The following DRC2 variants were observed in gnomAD, a reference collection of about 807,000 sequenced individuals.
DRC2 encodes dynein regulatory complex subunit 2.
the DRC2 span, chr12:48,905,177 G>A: frequency 7.1e-7 from 1 of 1,400,320 alleles, no homozygotes; most frequent in Middle Eastern, 1.9e-4. Flanking sequence ...AATGAGCCTA[G>A]TGAATCCATC....
At chr12:48,917,143 G>C in the DRC2 span, 1 of 1,610,790 alleles carries the variant, frequency 6.2e-7, no homozygotes. Context: ...AGAAGTGGGA[G>C]GAGGTGATAG....
the DRC2 span, chr12:48,920,832 G>C: frequency 7.2e-5 from 81 of 1,130,986 alleles, 1 homozygote; most frequent in South Asian, 1.2e-3. Flanking sequence ...TTCCCACTTG[G>C]ATGAGTAGCT....
At chr12:48,907,836 T>C in the DRC2 span, among the ~76,000 whole-genome samples, 6 of 152,240 alleles carry the variant, frequency 3.9e-5, no homozygotes, top group Non-Finnish European at 8.8e-5. Flanking sequence ...CCAGTGAGTT[T>C]ATCTTCCTCT....
the DRC2 span, among the ~76,000 whole-genome samples, chr12:48,920,137 A>AG: frequency 2.2e-4 from 33 of 147,454 alleles, no homozygotes; most frequent in Non-Finnish European, 4.3e-4. Context: ...AAAAAAAAAA[A>AG]GAATTAATAA....
chr12:48,914,095 T>TG, the DRC2 span, among the ~76,000 whole-genome samples: 3 of 152,046 alleles, frequency 2.0e-5, no homozygotes, highest in East Asian at 5.8e-4. Context: ...TTATGGGTTT[T>TG]TTTGTTTGTT....
the DRC2 span, chr12:48,917,135 A>C: frequency 6.2e-7 from 1 of 1,612,468 alleles, no homozygotes; most frequent in Non-Finnish European, 8.5e-7. Flanking sequence ...GATAGGCAAG[A>C]AGTGGGAGGA....
At chr12:48,914,318 A>G in the DRC2 span, 1 of 1,373,996 alleles carries the variant, frequency 7.3e-7, no homozygotes, top group Non-Finnish European at 9.8e-7. Context: ...ATTAGGAACA[A>G]AGAAAAAACT....
chr12:48,919,697 T>C, the DRC2 span, among the ~76,000 whole-genome samples: 1 of 151,980 alleles, frequency 6.6e-6, no homozygotes, highest in South Asian at 2.1e-4. Flanking sequence ...TTTGTATTTT[T>C]AGTGGAGACA....
At chr12:48,910,278 T>C in the DRC2 span, among the ~76,000 whole-genome samples, 1 of 152,206 alleles carries the variant, frequency 6.6e-6, no homozygotes, top group Admixed American at 6.5e-5. Flanking sequence ...GACTGTAAGC[T>C]CCTTTGGGAG....
chr12:48,917,292 G>A, the DRC2 span, among the ~76,000 whole-genome samples: 1 of 79,498 alleles, frequency 1.3e-5, no homozygotes, highest in African/African-American at 5.1e-5. Flanking sequence ...CATCTCTACC[G>A]GCCCCCCCAA....
the DRC2 span, among the ~76,000 whole-genome samples, chr12:48,911,675 C>T: frequency 6.6e-6 from 1 of 152,130 alleles, no homozygotes; most frequent in East Asian, 1.9e-4. Flanking sequence ...TAGTCTCAAA[C>T]TCTTGGCCTC....
the DRC2 span, among the ~76,000 whole-genome samples, chr12:48,905,971 C>T: frequency 6.6e-6 from 1 of 152,090 alleles, no homozygotes; most frequent in South Asian, 2.1e-4. Flanking sequence ...GGGGGTTTCA[C>T]CATGTTGGCC....
chr12:48,907,843 C>G, the DRC2 span, among the ~76,000 whole-genome samples: 1 of 152,212 alleles, frequency 6.6e-6, no homozygotes, highest in East Asian at 1.9e-4. Flanking sequence ...GTTTATCTTC[C>G]TCTCTCCATC....
the DRC2 span, among the ~76,000 whole-genome samples, chr12:48,919,749 C>T: frequency 6.6e-6 from 1 of 152,054 alleles, no homozygotes; most frequent in East Asian, 2.0e-4. Flanking sequence ...AACTCCTGAC[C>T]TCAGCGATCC....
chr12:48,906,855 C>G, the DRC2 span, among the ~76,000 whole-genome samples: 1 of 151,792 alleles, frequency 6.6e-6, no homozygotes, highest in Non-Finnish European at 1.5e-5. Flanking sequence ...CGTTAGCCAC[C>G]GCGCCCAGCC....
the DRC2 span, among the ~76,000 whole-genome samples, chr12:48,913,458 C>A: frequency 6.6e-6 from 1 of 151,580 alleles, no homozygotes; most frequent in Non-Finnish European, 1.5e-5. Flanking sequence ...TACGCATCAC[C>A]ACACCAGCTA....
chr12:48,918,941 G>T, the DRC2 span: 1 of 1,526,582 alleles, frequency 6.6e-7, no homozygotes, highest in East Asian at 2.3e-5. Flanking sequence ...TAAAGTCAAG[G>T]AACCTGCCTC....
At chr12:48,915,639 A>T in the DRC2 span, among the ~76,000 whole-genome samples, 1 of 151,924 alleles carries the variant, frequency 6.6e-6, no homozygotes, top group Non-Finnish European at 1.5e-5. Flanking sequence ...CACCTCCCAG[A>T]CGGGGTGGTG....
At chr12:48,914,649 A>G in the DRC2 span, 1 of 1,386,048 alleles carries the variant, frequency 7.2e-7, no homozygotes, top group Non-Finnish European at 1.0e-6. Context: ...GTTGCCTGTA[A>G]GCAAGTGGCT....
Sources: gnomAD v4.1 joint callset for allele counts (sites outside exome capture counted in the v4.1 genomes callset) on GRCh38, gnomAD v4.1.1 for gene constraint, MANE v1.5 for transcripts, NCBI Gene and HGNC (gene_info 2026-07-23, HGNC 2026-07-21) for gene names.